Variants in SOCS7 observed in about 807,000 individuals in gnomAD.
The protein encoded by SOCS7 is suppressor of cytokine signaling 7, also known as NAP-4.
SOCS7 carries 18 observed loss-of-function variants against 58.9 expected under a neutral mutation model. That is an observed-to-expected ratio of 0.31 (90% CI 0.21 to 0.45). SOCS7 has a LOEUF of 0.45. SOCS7 is among the 20% of genes least tolerant of loss of function. The probability of loss-of-function intolerance (pLI) is 1.00; values close to 1 mark genes in which losing one functional copy is unlikely to be tolerated. For missense variants in SOCS7, 667 were observed against 837.3 expected (o/e 0.80, Z 2.51); for synonymous variants, 388 against 364.3 (o/e 1.06, Z -0.74).
rs145023434 is a variant in SOCS7, at chr17:38,388,840, T to C, written c.1682-6469T>C. On this transcript the variant is annotated intron_variant, in intron 7 of 9. Coordinates refer to ENST00000612932, the MANE Select transcript of SOCS7 (RefSeq NM_014598.4). ...TCTGTCAGCACAGCATTCTTTTTTA[T>C]GACTGAATAACATTCCACTCTGGAT... 8.3e-4 allele frequency among the ~76,000 whole-genome samples: 126 copies of C among 152,354 alleles called. 1 individual carries two copies. In the East Asian group the frequency reaches 0.023, roughly 28 times the overall value.
At chr17:38,378,745 T>G (rs555992463) in intron 7 of SOCS7, among the ~76,000 whole-genome samples, 105 of 152,242 alleles carry the variant, frequency 6.9e-4, no homozygotes, top group Non-Finnish European at 1.2e-3. Flanking sequence ...CCCACTAAGT[T>G]AGGGAGGTGT....
chr17:38,367,785 G>T (rs777001195), intron 5 of SOCS7, 97 bp from the exon 6 acceptor site: 16 of 1,095,546 alleles, frequency 1.5e-5, no homozygotes, highest in Non-Finnish European at 2.1e-5. Flanking sequence ...ATTTTGGAGA[G>T]AATGCAGAGG....
At chr17:38,377,162 A>C (rs750336317) in intron 6 of SOCS7, among the ~76,000 whole-genome samples, 1 of 152,240 alleles carries the variant, frequency 6.6e-6, no homozygotes, top group Non-Finnish European at 1.5e-5. Context: ...TAATAAGTAC[A>C]TCTATATAGA....
intron 1 of SOCS7, among the ~76,000 whole-genome samples, chr17:38,361,435 G>A (rs2037718098): frequency 6.6e-6 from 1 of 152,190 alleles, no homozygotes; most frequent in African/African-American, 2.4e-5. Context: ...TACCACTCAA[G>A]GTGTTTTACT....
chr17:38,376,750 T>C (rs185974184), intron 6 of SOCS7, among the ~76,000 whole-genome samples: 64 of 151,798 alleles, frequency 4.2e-4, no homozygotes, highest in African/African-American at 1.3e-3. Context: ...AAAAAAGTTA[T>C]AAGGTAACAA....
intron 5 of SOCS7, among the ~76,000 whole-genome samples, chr17:38,366,799 G>C (rs996281044): frequency 1.3e-5 from 2 of 152,118 alleles, no homozygotes; most frequent in African/African-American, 4.8e-5. Context: ...CCCAGCCCCT[G>C]TTTATTGTTT....
At chr17:38,387,133 G>GTATGTATGTATATATATATATA (rs1555570701) in intron 7 of SOCS7, among the ~76,000 whole-genome samples, 6 of 73,488 alleles carry the variant, frequency 8.2e-5, no homozygotes, top group Admixed American at 3.2e-4. Flanking sequence ...ATATATGTAT[G>GTATGTATGTATATATATATATA]TATATATATA....
chr17:38,371,722 C>T (rs1385348938), intron 6 of SOCS7, among the ~76,000 whole-genome samples: 1 of 146,422 alleles, frequency 6.8e-6, no homozygotes, highest in Non-Finnish European at 1.5e-5. Context: ...GCTGGGATTA[C>T]AGGTATGAGC....
intron 7 of SOCS7, among the ~76,000 whole-genome samples, chr17:38,380,446 C>T (rs533114988): frequency 2.0e-5 from 3 of 151,916 alleles, no homozygotes; most frequent in African/African-American, 4.8e-5. Context: ...GCCTGACCAA[C>T]GTGGTGAAAC....
At chr17:38,384,681 A>G (rs192921514) in intron 7 of SOCS7, among the ~76,000 whole-genome samples, 3 of 151,190 alleles carry the variant, frequency 2.0e-5, no homozygotes, top group Admixed American at 1.3e-4. Context: ...CACCATCCAC[A>G]TCCCGGGTTC....
At chr17:38,386,454 T>A (rs922276025) in intron 7 of SOCS7, among the ~76,000 whole-genome samples, 1 of 151,820 alleles carries the variant, frequency 6.6e-6, no homozygotes, top group African/African-American at 2.4e-5. Flanking sequence ...AGAGTGAGAC[T>A]GTATCTCAGA....
chr17:38,386,976 C>T (rs1420397126), intron 7 of SOCS7, among the ~76,000 whole-genome samples: 1 of 149,018 alleles, frequency 6.7e-6, no homozygotes, highest in Non-Finnish European at 1.5e-5. Flanking sequence ...GTCCCAGCTA[C>T]TCGGGCAGCT....
At chr17:38,389,985 G>A (rs1035975550) in intron 7 of SOCS7, among the ~76,000 whole-genome samples, 32 of 136,646 alleles carry the variant, frequency 2.3e-4, no homozygotes, top group Non-Finnish European at 4.8e-4. Flanking sequence ...GCAGTGGCAC[G>A]ATCGTGGCTC....
chr17:38,361,463 A>G (rs965006832), intron 1 of SOCS7, among the ~76,000 whole-genome samples: 4 of 152,232 alleles, frequency 2.6e-5, no homozygotes, highest in Non-Finnish European at 4.4e-5. Context: ...TGTACTGGGT[A>G]TGGTGAGCTC....
chr17:38,353,249 T>A (rs563735494), intron 1 of SOCS7, among the ~76,000 whole-genome samples: 1 of 152,334 alleles, frequency 6.6e-6, no homozygotes, highest in Admixed American at 6.5e-5. Context: ...ACTTCTCAGC[T>A]GGTTTGCATC....
chr17:38,363,221 C>G (rs954155202), intron 2 of SOCS7, among the ~76,000 whole-genome samples: 1 of 152,202 alleles, frequency 6.6e-6, no homozygotes, highest in Non-Finnish European at 1.5e-5. Context: ...CTAGACTGCT[C>G]TGGCCTGTCA....
At chr17:38,373,470 A>C (rs1256182088) in intron 6 of SOCS7, among the ~76,000 whole-genome samples, 3 of 152,198 alleles carry the variant, frequency 2.0e-5, no homozygotes, top group African/African-American at 7.2e-5. Context: ...AGAAGTAAGA[A>C]CCAGAATTTA....
At position 38,352,923 on chromosome 17, in the gene SOCS7, T is replaced by A. The variant is rs746025840; in HGVS notation, c.871T>A (p.Ser291Thr). Reference protein sequence around the residue: ...LFRTKSCNGGSGGGDGTGKRP... With the variant: ...LFRTKSCNGGTGGGDGTGKRP... ...TCGCACCAAGAGCTGCAACGGTGGC[T>A]CCGGCGGTGGGGATGGGACCGGCAA... Residue 291 changes from serine to threonine, a missense_variant, in exon 1 of 10, where the codon TCC (serine) becomes ACC (threonine). Ser to Thr is a moderately conservative substitution (Grantham distance 58, BLOSUM62 1). This residue lies in a region of SOCS7 where 208 missense variants were observed against 190.3 expected (regional missense o/e 1.09). Coordinates refer to ENST00000612932, the MANE Select transcript of SOCS7 (RefSeq NM_014598.4). This position sits in a 1 kb window ranked among gnomAD's most constrained non-coding sequence, Gnocchi z 5.5. 8 of 1,607,200 alleles carry A rather than the reference T, an allele frequency of 5.0e-6. No individual in the cohort carries two copies. The highest frequency in any genetic ancestry group is 1.7e-5 in the Admixed American group (1 of 59,108).
chr17:38,378,558 A>T (rs879372993), intron 7 of SOCS7, among the ~76,000 whole-genome samples: 1 of 152,080 alleles, frequency 6.6e-6, no homozygotes, highest in Admixed American at 6.6e-5. Flanking sequence ...TGCACATTGC[A>T]CTCTGTTAGG....
Sources: gnomAD v4.1 joint callset for allele counts (sites outside exome capture counted in the v4.1 genomes callset) on GRCh38, gnomAD v4.1.1 for gene constraint, gnomAD v4.1.1 regional missense constraint, Gnocchi (gnomAD v3.1) non-coding constraint, MANE v1.5 for transcripts, NCBI Gene and HGNC (gene_info 2026-07-23, HGNC 2026-07-21) for gene names.